PTPRA: variants seen among roughly 807,000 people sequenced by gnomAD.
PTPRA encodes receptor-type tyrosine-protein phosphatase alpha.
In PTPRA, 25 loss-of-function variants were observed where a neutral mutation model predicts 104.8. The observed-to-expected ratio is 0.24, with a 90% confidence interval of 0.17 to 0.33. The LOEUF is 0.33. Among genes scored for constraint, PTPRA ranks in the 10% least tolerant of loss-of-function variants. PTPRA has a pLI of 1.00. For missense variants in PTPRA, 765 were observed against 1,015.3 expected, an observed-to-expected ratio of 0.75 and a Z score of 3.35; for synonymous variants, 323 against 368.9, an observed-to-expected ratio of 0.88 and a Z score of 1.43.
chr20:3,035,945 T>C lies in PTPRA; in HGVS notation c.2198+4T>C. The C allele has an allele frequency of 1.2e-6, 2 of 1,613,364 alleles. No homozygotes were observed. Among genetic ancestry groups the C allele is most frequent in the Non-Finnish European group, 8.5e-7 (1 of 1,180,030 alleles). ...ACCCCATCACCGTGCACTGCAGGTA[T>C]GGCTCACCCTTGCCCTCAGCGGGAG... On this transcript the variant is annotated splice_donor_region_variant and intron_variant, in intron 22 of 23. Coordinates refer to ENST00000399903, the MANE Select transcript of PTPRA (RefSeq NM_001385305.1). The surrounding 1 kb of genome is among the most constrained non-coding windows in gnomAD (Gnocchi z 5.8).
chr20:3,004,219 TGTTAGCCAGGCTG>T (rs1295803224), intron 9 of PTPRA, among the ~76,000 whole-genome samples: 4 of 152,118 alleles, frequency 2.6e-5, no homozygotes, highest in Non-Finnish European at 1.5e-5. Flanking sequence ...GGTTTCGCCT[TGTTAGCCAGGCTG>T]GTCTCGAACT....
At chr20:3,033,237 C>G (rs1202847317) in intron 20 of PTPRA, among the ~76,000 whole-genome samples, 1 of 151,890 alleles carries the variant, frequency 6.6e-6, no homozygotes, top group African/African-American at 2.4e-5. Context: ...TCCTCCTTCC[C>G]CCGACACCAG....
In PTPRA at chr20:3,038,196, T is replaced by C. The variant is rs2065897962; in HGVS notation, c.*63T>C. The C allele has an allele frequency of 1.4e-6, 2 of 1,453,916 alleles. No homozygotes were observed. Among genetic ancestry groups the C allele is most frequent in the South Asian group, 2.3e-5 (2 of 86,804 alleles). 90.1% of individuals were successfully genotyped at this position (1,453,916 alleles called of 1,614,324 possible). A position where few individuals can be genotyped will look rare whatever the true frequency, so the allele number is the denominator to read the frequency against. On this transcript the variant is annotated 3_prime_UTR_variant, in exon 24 of 24. Transcript: ENST00000399903. ...TAATATTTTGTAATATTCTGTTTTG[T>C]TAATATACCCCAAATTGTGTATATA... is the stretch of plus-strand genomic sequence containing the variant.
intron 2 of PTPRA, among the ~76,000 whole-genome samples, chr20:2,935,059 AT>A (rs1421891347): frequency 6.6e-6 from 1 of 152,206 alleles, no homozygotes; most frequent in East Asian, 1.9e-4. Context: ...ATATATTGTT[AT>A]TAACTGTAGT....
At chr20:2,875,396 G>A (rs536407571) in intron 1 of PTPRA, among the ~76,000 whole-genome samples, 40 of 152,264 alleles carry the variant, frequency 2.6e-4, no homozygotes, top group Admixed American at 9.8e-4. Flanking sequence ...GCATTGTAAG[G>A]CATGGTGGGA....
chr20:2,870,400 A>G (rs981780418), upstream of PTPRA, among the ~76,000 whole-genome samples: 5 of 152,196 alleles, frequency 3.3e-5, no homozygotes, highest in African/African-American at 7.2e-5. Flanking sequence ...TCGGGTTTGA[A>G]CAGTGTGGCC....
At chr20:2,901,330 T>C (rs192235146) in intron 1 of PTPRA, among the ~76,000 whole-genome samples, 1 of 152,238 alleles carries the variant, frequency 6.6e-6, no homozygotes, top group East Asian at 1.9e-4. Flanking sequence ...TTACACAGCT[T>C]TTACATTTCC....
intron 3 of PTPRA, among the ~76,000 whole-genome samples, chr20:2,955,359 C>G (rs2061499657): frequency 1.3e-5 from 2 of 152,228 alleles, no homozygotes; most frequent in Admixed American, 6.5e-5. Flanking sequence ...CCAGACTCAT[C>G]TCTTTCAAGG....
At chr20:3,024,231 C>T (rs987890395) in intron 16 of PTPRA, among the ~76,000 whole-genome samples, 3 of 152,170 alleles carry the variant, frequency 2.0e-5, no homozygotes, top group African/African-American at 4.8e-5. Flanking sequence ...TTGTCCTTCT[C>T]TCCAGGCGTC....
intron 5 of PTPRA, among the ~76,000 whole-genome samples, chr20:2,970,095 T>C (rs966833857): frequency 6.6e-6 from 1 of 152,206 alleles, no homozygotes; most frequent in Non-Finnish European, 1.5e-5. Context: ...AGTTACCCTA[T>C]CATACTTGCT....
chr20:2,988,532 A>G, intron 9 of PTPRA, 58 bp downstream of exon 9: 1 of 1,578,086 alleles, frequency 6.3e-7, no homozygotes, highest in Non-Finnish European at 8.5e-7. Flanking sequence ...CTAAAGTCAG[A>G]CCTTTCAGAT....
intron 17 of PTPRA, 91 bp downstream of exon 17, chr20:3,024,712 A>G: frequency 6.7e-7 from 1 of 1,490,808 alleles, no homozygotes; most frequent in South Asian, 1.2e-5. Flanking sequence ...GCCAACAGTA[A>G]ATCCCCTTGT....
intron 1 of PTPRA, among the ~76,000 whole-genome samples, chr20:2,896,771 A>G (rs1335153985): frequency 6.6e-6 from 1 of 152,206 alleles, no homozygotes; most frequent in Non-Finnish European, 1.5e-5. Context: ...GAAACCAACA[A>G]AATTCCCTCA....
chr20:3,004,537 A>G (rs1411239891), intron 9 of PTPRA, among the ~76,000 whole-genome samples: 1 of 44,108 alleles, frequency 2.3e-5, no homozygotes, highest in African/African-American at 8.8e-5. Context: ...CCCACCCACC[A>G]GTCCTTGCTT....
intron 2 of PTPRA, among the ~76,000 whole-genome samples, chr20:2,940,745 AT>A (rs1176223025): frequency 6.6e-6 from 1 of 152,228 alleles, no homozygotes; most frequent in African/African-American, 2.4e-5. Flanking sequence ...TTATTAGAAT[AT>A]GCCATGTTCA....
chr20:2,904,972 C>A (rs973771136), intron 1 of PTPRA, among the ~76,000 whole-genome samples: 1 of 152,142 alleles, frequency 6.6e-6, no homozygotes, highest in Non-Finnish European at 1.5e-5. Context: ...CTCCAGGCCA[C>A]AGACCATCCT....
intron 11 of PTPRA, among the ~76,000 whole-genome samples, chr20:3,014,737 T>A (rs2064351054): frequency 6.6e-6 from 1 of 152,184 alleles, no homozygotes. Context: ...CACCCTGGTG[T>A]TGGTGTGACA....
chr20:2,991,329 C>T (rs2063165214), intron 9 of PTPRA, among the ~76,000 whole-genome samples: 1 of 150,832 alleles, frequency 6.6e-6, no homozygotes, highest in Non-Finnish European at 1.5e-5. Context: ...CGTGCCATTG[C>T]ACTCCAGCCT....
intron 3 of PTPRA, among the ~76,000 whole-genome samples, chr20:2,948,727 G>A (rs1470842279): frequency 5.3e-5 from 8 of 152,086 alleles, no homozygotes; most frequent in East Asian, 1.9e-4. Flanking sequence ...CAAGGTGGGC[G>A]GATCACAAGG....
Sources: allele counts gnomAD v4.1 joint callset (sites outside exome capture counted in the v4.1 genomes callset), GRCh38; gene constraint gnomAD v4.1.1; non-coding constraint Gnocchi (gnomAD v3.1); transcripts MANE v1.5; gene names NCBI Gene and HGNC (gene_info 2026-07-23, HGNC 2026-07-21).